The following PSMA1 variants were observed in gnomAD, a reference collection of about 807,000 sequenced individuals.
PSMA1 encodes the protein proteasome subunit alpha type-1.
Under a neutral mutation model 38.4 loss-of-function variants are expected in PSMA1, and 3 were observed. The ratio of observed to expected loss-of-function variants is 0.08; its 90% CI spans 0.04 to 0.20. PSMA1 has a LOEUF of 0.20. PSMA1 is among the 10% of genes least tolerant of loss of function. PSMA1 has a pLI of 1.00. For missense variants in PSMA1, 227 were observed against 325.3 expected (o/e 0.70, Z 2.32); for synonymous variants, 101 against 107.1 (o/e 0.94, Z 0.35).
intron 1 of PSMA1, among the ~76,000 whole-genome samples, chr11:14,637,594 T>C (rs1196347590): frequency 6.6e-6 from 1 of 151,756 alleles, no homozygotes; most frequent in Non-Finnish European, 1.5e-5. Flanking sequence ...ACGGCTTAAT[T>C]TTTTTTTTCT....
chr11:14,592,612 C>A (rs1467263564), intron 2 of PSMA1, among the ~76,000 whole-genome samples: 1 of 152,144 alleles, frequency 6.6e-6, no homozygotes, highest in African/African-American at 2.4e-5. Flanking sequence ...GTCTCAACCT[C>A]CTGACCTTGT....
At chr11:14,510,624 G>A (rs1000319735) in intron 8 of PSMA1, among the ~76,000 whole-genome samples, 1 of 152,046 alleles carries the variant, frequency 6.6e-6, no homozygotes, top group South Asian at 2.1e-4. Context: ...ATAATACCAA[G>A]ATATGCCAAT....
intron 2 of PSMA1, among the ~76,000 whole-genome samples, chr11:14,547,305 G>A (rs1163031061): frequency 6.6e-6 from 1 of 152,114 alleles, no homozygotes; most frequent in Non-Finnish European, 1.5e-5. Context: ...GAAATTAGAA[G>A]GTTAGAGAAA....
intron 1 of PSMA1, among the ~76,000 whole-genome samples, chr11:14,614,425 T>C (rs2134200157): frequency 6.6e-6 from 1 of 152,256 alleles, no homozygotes; most frequent in East Asian, 1.9e-4. Context: ...TAATGAATTG[T>C]TCTTCTTCAG....
rs748349787 is a variant in PSMA1, at chr11:14,517,728, A to G, written c.168T>C (p.Leu56=). ...LVALKRAQSE[L]AAHQKKILHV... The stretch of plus-strand genomic sequence containing the variant: ...GGAGAATTTTTTTCTGATGAGCTGC[A>G]AGCTCTGATTGCGCCCTCTAAATAG... Residue 56 remains leucine (L), a synonymous_variant, in exon 4 of 10, where the codon CTT becomes CTC. Transcript: ENST00000396394. 1.8e-5 allele frequency: 29 copies of G among 1,604,974 alleles called. No homozygotes were observed. The highest frequency in any genetic ancestry group is 2.4e-5 in the Non-Finnish European group (28 of 1,177,590).
At chr11:14,524,026 A>C (rs1851559549), upstream of PSMA1, among the ~76,000 whole-genome samples, 2 of 144,108 alleles carry the variant, frequency 1.4e-5, no homozygotes, top group African/African-American at 5.2e-5. Flanking sequence ...TGTAATCCCG[A>C]CACTTTTTTT....
chr11:14,557,442 C>T (rs1208019397), intron 2 of PSMA1, among the ~76,000 whole-genome samples: 1 of 152,104 alleles, frequency 6.6e-6, no homozygotes, highest in Non-Finnish European at 1.5e-5. Context: ...CGGGGTTTCA[C>T]CATGTTGGCC....
At chr11:14,560,785 C>T (rs1405765570) in intron 2 of PSMA1, among the ~76,000 whole-genome samples, 1 of 152,142 alleles carries the variant, frequency 6.6e-6, no homozygotes, top group African/African-American at 2.4e-5. Flanking sequence ...CAGGGTATCA[C>T]CTATAAAGTA....
chr11:14,514,500 GAAAC>G lies in PSMA1; in HGVS notation c.255-13_255-10del. On this transcript the variant is annotated splice_polypyrimidine_tract_variant and intron_variant, in intron 4 of 9. Coordinates refer to ENST00000396394, the MANE Select transcript of PSMA1 (RefSeq NM_002786.4). ...CCTGACGCATAAAATTACTAAAAAA[GAAAC>G]AAAAAAAGTTTAGTAATTTCAAATT... is the stretch of plus-strand genomic sequence containing the variant. The G allele has an allele frequency of 1.3e-6, 2 of 1,532,422 alleles. No homozygotes were observed. The highest frequency in any genetic ancestry group is 1.7e-6 in the Non-Finnish European group (2 of 1,144,102). 94.9% of individuals were successfully genotyped at this position (1,532,422 alleles called of 1,614,324 possible).
chr11:14,613,505 C>T (rs563433367), intron 1 of PSMA1, among the ~76,000 whole-genome samples: 22 of 152,192 alleles, frequency 1.4e-4, no homozygotes, highest in Admixed American at 8.5e-4. Context: ...CTGCCCACCT[C>T]GGCCTCCCAA....
intron 2 of PSMA1, among the ~76,000 whole-genome samples, chr11:14,518,428 T>C (rs1418789259): frequency 6.6e-6 from 1 of 152,216 alleles, no homozygotes; most frequent in African/African-American, 2.4e-5. Context: ...AATTTTCTTG[T>C]GTATATTTAA....
chr11:14,575,406 C>T (rs1461381090), intron 2 of PSMA1, among the ~76,000 whole-genome samples: 1 of 151,990 alleles, frequency 6.6e-6, no homozygotes, highest in Admixed American at 6.5e-5. Flanking sequence ...CTATCCCTCC[C>T]CCCTACCCCC....
intron 2 of PSMA1, among the ~76,000 whole-genome samples, chr11:14,600,356 G>T (rs1852564872): frequency 6.6e-6 from 1 of 152,340 alleles, no homozygotes; most frequent in East Asian, 1.9e-4. Flanking sequence ...CCACAGAGGT[G>T]AAGTCTAGAG....
intron 4 of PSMA1, 52 bp from the exon 5 acceptor site, chr11:14,514,543 C>A (rs768865067): frequency 1.5e-6 from 2 of 1,310,092 alleles, no homozygotes; most frequent in South Asian, 3.2e-5. Context: ...GACAACTATT[C>A]CAATCTAAAT....
intron 2 of PSMA1, among the ~76,000 whole-genome samples, chr11:14,591,198 C>T (rs1852409792): frequency 6.6e-6 from 1 of 152,240 alleles, no homozygotes; most frequent in Admixed American, 6.5e-5. Context: ...AGGGACTTGG[C>T]ACCCAGGCCA....
chr11:14,633,723 A>T (rs571115227), intron 1 of PSMA1, among the ~76,000 whole-genome samples: 19 of 150,780 alleles, frequency 1.3e-4, no homozygotes, highest in Admixed American at 9.9e-4. Context: ...AATGGCGGGC[A>T]CCCCTCCCCC....
Position 14,517,954 on chromosome 11 carries a change from T to C in PSMA1, c.76A>G (p.Met26Val), listed in dbSNP as rs1199185293. ...GCTGAACCTTGTTTAACAGCTTCCA[T>C]TGCATATTCAATTTGATGAATCCTG... Reference protein sequence around the residue: ...QGRIHQIEYAMEAVKQGSATV... With the variant: ...QGRIHQIEYAVEAVKQGSATV... The change falls in exon 3 of 10, where the codon ATG becomes GTG. Residue 26 changes from methionine (M) to valine (V), a missense_variant. Coordinates refer to ENST00000396394, the MANE Select transcript of PSMA1 (RefSeq NM_002786.4). 5.0e-6 allele frequency: 8 copies of C among 1,606,888 alleles called. No homozygotes were observed. The Admixed American group carries it at 5.1e-5, about 10-fold the overall frequency.
intron 5 of PSMA1, 39 bp downstream of exon 5, chr11:14,514,364 C>T (rs771337187): frequency 6.4e-7 from 1 of 1,562,364 alleles, no homozygotes; most frequent in South Asian, 1.2e-5. Flanking sequence ...CAAAACCCTT[C>T]AAAGTTCATA....
intron 1 of PSMA1, among the ~76,000 whole-genome samples, chr11:14,623,262 G>A (rs1216674595): frequency 6.6e-6 from 1 of 152,194 alleles, no homozygotes; most frequent in East Asian, 1.9e-4. Context: ...ACCAACTGAA[G>A]TAGAAGGAAA....
Sources: allele counts gnomAD v4.1 joint callset (sites outside exome capture counted in the v4.1 genomes callset), GRCh38; gene constraint gnomAD v4.1.1; transcripts MANE v1.5; gene names NCBI Gene and HGNC (gene_info 2026-07-23, HGNC 2026-07-21).